The following RALGPS1 variants were observed in gnomAD, a reference collection of about 807,000 sequenced individuals.
The protein encoded by RALGPS1 is Ral GEF with PH domain and SH3 binding motif 1.
Under a neutral mutation model 78.8 loss-of-function variants are expected in RALGPS1, and 19 were observed. The ratio of observed to expected loss-of-function variants is 0.24; its 90% CI spans 0.17 to 0.35. The LOEUF (loss-of-function observed/expected upper bound fraction) is 0.35. Among genes scored for constraint, RALGPS1 ranks in the 10% least tolerant of loss-of-function variants. RALGPS1 has a pLI of 1.00. For missense variants in RALGPS1, 454 were observed against 688.3 expected, an observed-to-expected ratio of 0.66 and a Z score of 3.81; for synonymous variants, 228 against 256.3, an observed-to-expected ratio of 0.89 and a Z score of 1.06.
intron 8 of RALGPS1, chr9:127,108,356 C>G: frequency 6.2e-7 from 1 of 1,611,858 alleles, no homozygotes; most frequent in Non-Finnish European, 8.5e-7. Flanking sequence ...TTGCGGCTCT[C>G]CTTGCGCAGC....
At chr9:127,125,812 G>A (rs996371863) in intron 8 of RALGPS1, among the ~76,000 whole-genome samples, 1 of 152,204 alleles carries the variant, frequency 6.6e-6, no homozygotes, top group Non-Finnish European at 1.5e-5. Context: ...CATTTAATGT[G>A]TGACTTTTTA....
chr9:126,968,427 G>A, intron 3 of RALGPS1, among the ~76,000 whole-genome samples: 1 of 152,184 alleles, frequency 6.6e-6, no homozygotes, highest in Admixed American at 6.5e-5. Flanking sequence ...GGCAGAGCCA[G>A]GTCTGAAACT....
chr9:127,199,177 T>C, intron 14 of RALGPS1, 111 bp downstream of exon 14: 1 of 974,316 alleles, frequency 1.0e-6, no homozygotes, highest in African/African-American at 1.6e-5. Context: ...CCCATGAGGC[T>C]GCTCTGTGGC....
At chr9:127,148,868 G>A (rs1467858581) in intron 8 of RALGPS1, among the ~76,000 whole-genome samples, 2 of 152,228 alleles carry the variant, frequency 1.3e-5, no homozygotes, top group African/African-American at 2.4e-5. Context: ...TGGGGATGGC[G>A]GAGGGAGAAC....
At chr9:127,126,934 A>G (rs2056657700) in intron 8 of RALGPS1, among the ~76,000 whole-genome samples, 1 of 152,262 alleles carries the variant, frequency 6.6e-6, no homozygotes. Context: ...GACATTGTGG[A>G]TGATACATGA....
chr9:126,938,774 G>A (rs2036497566), intron 1 of RALGPS1, among the ~76,000 whole-genome samples: 1 of 152,242 alleles, frequency 6.6e-6, no homozygotes, highest in East Asian at 1.9e-4. Context: ...TTTGAGTGTT[G>A]TGGAGAAGTC....
At chr9:126,937,582 T>C (rs1330639956) in intron 1 of RALGPS1, among the ~76,000 whole-genome samples, 3 of 152,230 alleles carry the variant, frequency 2.0e-5, no homozygotes, top group Non-Finnish European at 2.9e-5. Flanking sequence ...CATGGACCCA[T>C]GTTCCTTATA....
chr9:127,213,060 G>A lies in RALGPS1; in HGVS notation c.1552+11G>A. The A allele has an allele frequency of 6.2e-7, 1 of 1,614,204 alleles. No individual in the cohort carries two copies. The highest frequency in any genetic ancestry group is 8.5e-7 in the Non-Finnish European group (1 of 1,180,034). The stretch of plus-strand genomic sequence containing the variant: ...ACAACCCTGACAAAGGTAGGCAGCA[G>A]GCCAGAGCTGGCGCCTGCAGCTGCT... On this transcript the variant is annotated intron_variant, in intron 17 of 18. Coordinates refer to ENST00000259351, the MANE Select transcript of RALGPS1 (RefSeq NM_014636.3).
At chr9:127,129,150 G>C (rs1039807123) in intron 8 of RALGPS1, among the ~76,000 whole-genome samples, 1 of 152,088 alleles carries the variant, frequency 6.6e-6, no homozygotes, top group Non-Finnish European at 1.5e-5. Flanking sequence ...ATTTTGTTTC[G>C]TAACAGTATT....
intron 13 of RALGPS1, among the ~76,000 whole-genome samples, chr9:127,198,448 G>T (rs963101107): frequency 6.6e-6 from 1 of 152,200 alleles, no homozygotes; most frequent in Non-Finnish European, 1.5e-5. Context: ...AAGCAGGGTC[G>T]CCCATTCAGC....
chr9:127,061,572 C>A (rs1328081927), intron 7 of RALGPS1, among the ~76,000 whole-genome samples: 1 of 152,218 alleles, frequency 6.6e-6, no homozygotes, highest in African/African-American at 2.4e-5. Context: ...TTTAGCCAAA[C>A]TACTGTTTCC....
At chr9:127,118,299 G>C (rs568895126) in intron 8 of RALGPS1, among the ~76,000 whole-genome samples, 122 of 152,314 alleles carry the variant, frequency 8.0e-4, no homozygotes, top group African/African-American at 2.8e-3. Context: ...CAGTCCATGT[G>C]AAAGAACACA....
In RALGPS1 at chr9:127,222,735, A is replaced by G. The variant is rs1588637264; in HGVS notation, c.*3966A>G. 2 of 152,696 alleles carry G rather than the reference A, an allele frequency of 1.3e-5. No homozygotes were observed. The highest frequency in any genetic ancestry group is 3.8e-4 in the East Asian group (2 of 5,204). The allele number at this position is 152,696 out of a possible 1,614,324, so 9.5% of individuals were successfully genotyped here. On this transcript the variant is annotated 3_prime_UTR_variant, in exon 19 of 19. Transcript: ENST00000259351. ...AATAGTAATTAATTAGTATGGTATA[A>G]TCTTTAATAAATTTCGTGCCAAAAT...
Position 127,174,746 on chromosome 9 carries a change from T to A in RALGPS1, c.874T>A (p.Ser292Thr). 1 of 1,614,168 alleles carries A rather than the reference T, an allele frequency of 6.2e-7. No homozygotes were observed. The highest frequency in any genetic ancestry group is 8.5e-7 in the Non-Finnish European group (1 of 1,180,012). Residue 292 changes from serine (S) to threonine (T), a missense_variant, in exon 11 of 19, where the codon TCT becomes ACT. Ser to Thr is a moderately conservative substitution (Grantham distance 58). Coordinates refer to ENST00000259351, the MANE Select transcript of RALGPS1 (RefSeq NM_014636.3). ...GCTCAGAATCGAACCAGGAAGCAGCTCTCCAAGACTAGTCTCTTCCAAGGA... is the reference window on the plus strand; with the variant it reads ...GCTCAGAATCGAACCAGGAAGCAGCACTCCAAGACTAGTCTCTTCCAAGGA... ...LSLRIEPGSS[S>T]PRLVSSKEDL...
At chr9:126,951,766 G>A (rs2037843232) in intron 1 of RALGPS1, among the ~76,000 whole-genome samples, 1 of 152,222 alleles carries the variant, frequency 6.6e-6, no homozygotes, top group Admixed American at 6.5e-5. Context: ...GCACAAGACA[G>A]TGATGCCCTC....
intron 4 of RALGPS1, among the ~76,000 whole-genome samples, chr9:126,993,209 T>G (rs1277355310): frequency 4.6e-5 from 7 of 152,244 alleles, no homozygotes; most frequent in Middle Eastern, 3.2e-3. Context: ...CAACCTTGTA[T>G]TGCTGTGGTA....
intron 1 of RALGPS1, among the ~76,000 whole-genome samples, chr9:126,922,906 G>A (rs981629854): frequency 2.6e-5 from 4 of 152,194 alleles, no homozygotes; most frequent in Middle Eastern, 3.2e-3. Flanking sequence ...CACATCATTA[G>A]CATGGCCGGT....
chr9:127,103,439 T>G (rs1177572466), intron 8 of RALGPS1, among the ~76,000 whole-genome samples: 2 of 152,208 alleles, frequency 1.3e-5, no homozygotes, highest in Admixed American at 1.3e-4. Flanking sequence ...GGGCTAACAT[T>G]TAAAGAAATC....
chr9:127,186,674 A>G (rs965837799), intron 11 of RALGPS1, among the ~76,000 whole-genome samples: 13 of 152,240 alleles, frequency 8.5e-5, no homozygotes, highest in Non-Finnish European at 1.5e-4. Context: ...GCTGTTGGTC[A>G]ACAATGCAGA....
Sources: gnomAD v4.1 joint callset for allele counts (sites outside exome capture counted in the v4.1 genomes callset) on GRCh38, gnomAD v4.1.1 for gene constraint, MANE v1.5 for transcripts, NCBI Gene and HGNC (gene_info 2026-07-23, HGNC 2026-07-21) for gene names.